Variants in CSNK1D observed in about 807,000 individuals in gnomAD.
CSNK1D encodes the protein casein kinase 1 delta.
A neutral mutation model predicts 46.6 loss-of-function variants in CSNK1D; 16 were observed. The ratio of observed to expected loss-of-function variants is 0.34; its 90% CI spans 0.23 to 0.52. The LOEUF is 0.52. CSNK1D is among the 20% of genes least tolerant of loss of function. The pLI, the probability that CSNK1D is intolerant of heterozygous loss-of-function variation, is 0.95. For missense variants in CSNK1D, 398 were observed against 578.4 expected (o/e 0.69, Z 3.20); for synonymous variants, 276 against 228.2 (o/e 1.21, Z -1.89).
chr17:82,248,630 A>G lies in CSNK1D; in HGVS notation c.1197+245T>C. ...AAAGCCCCCACGGTTTGCTGGCCTC[A>G]GGGACCTGAGACCTGAGACTGGCCA... On this transcript the variant is annotated intron_variant, in intron 8 of 8. Coordinates refer to ENST00000314028, the MANE Select transcript of CSNK1D (RefSeq NM_001893.6). The surrounding 1 kb of genome is among the most constrained non-coding windows in gnomAD (Gnocchi z 4.1). The G allele has an allele frequency of 7.3e-7, 1 of 1,364,648 alleles. No homozygotes were observed. Among genetic ancestry groups the G allele is most frequent in the Non-Finnish European group, 9.5e-7 (1 of 1,055,580 alleles). 84.5% of individuals were successfully genotyped at this position (1,364,648 alleles called of 1,614,324 possible).
At chr17:82,260,738 C>G (rs1020843591) in intron 2 of CSNK1D, among the ~76,000 whole-genome samples, 9 of 115,084 alleles carry the variant, frequency 7.8e-5, no homozygotes, top group African/African-American at 3.3e-4. Context: ...GACGGTGTAC[C>G]GACTGATGTG....
At chr17:82,239,523 G>A (rs9895071), downstream of CSNK1D, 1,320 of 175,036 alleles carry the variant, frequency 7.5e-3, 13 homozygotes, top group African/African-American at 0.03. Context: ...TGTGGCCTGT[G>A]TCCTGACTCG....
At chr17:82,256,039 G>A (rs1485145161) in intron 2 of CSNK1D, among the ~76,000 whole-genome samples, 1 of 152,230 alleles carries the variant, frequency 6.6e-6, no homozygotes, top group Admixed American at 6.5e-5. Context: ...GATGTTGGTA[G>A]AAGTATTTGA....
chr17:82,240,508 T>C (rs537336829), downstream of CSNK1D, among the ~76,000 whole-genome samples: 3 of 152,162 alleles, frequency 2.0e-5, no homozygotes, highest in African/African-American at 7.2e-5. Flanking sequence ...CTTACAGAGG[T>C]ACTGGCAGGG....
At chr17:82,253,444 T>G in intron 3 of CSNK1D, 200 bp from the exon 4 acceptor site, 1 of 609,846 alleles carries the variant, frequency 1.6e-6, no homozygotes, top group South Asian at 1.7e-5. Flanking sequence ...CACTCCACCC[T>G]CCACAGGCCT....
At chr17:82,258,809 A>T (rs1004605259) in intron 2 of CSNK1D, among the ~76,000 whole-genome samples, 11 of 152,210 alleles carry the variant, frequency 7.2e-5, no homozygotes, top group African/African-American at 2.7e-4. Flanking sequence ...AAATACTTAG[A>T]AACCCCTGAG....
At chr17:82,273,726 CGGGGCGGGGCCGCGGCGCTCCA>C (rs779953400), upstream of CSNK1D, 250 of 484,244 alleles carry the variant, frequency 5.2e-4, 1 homozygote, top group South Asian at 4.9e-3. This position sits in a 1 kb window ranked among gnomAD's most constrained non-coding sequence, Gnocchi z 5.1. Flanking sequence ...AGCAACCCGG[CGGGGCGGGGCCGCGGCGCTCCA>C]GGGGCGGGGC....
At chr17:82,246,233 ACTC>A in intron 8 of CSNK1D, 1 of 1,489,618 alleles carries the variant, frequency 6.7e-7, no homozygotes, top group Non-Finnish European at 8.9e-7. Context: ...AGTGGTGCCC[ACTC>A]CTCTTCTGGA....
At position 82,242,909 on chromosome 17, in the gene CSNK1D, CG is replaced by C. The variant is rs1383496734; in HGVS notation, c.*1871del. 2 of 985,332 alleles carry C rather than the reference CG, an allele frequency of 2.0e-6. No homozygotes were observed. The highest frequency in any genetic ancestry group is 1.7e-5 in the African/African-American group (1 of 57,226). 61.0% of individuals were successfully genotyped at this position (985,332 alleles called of 1,614,324 possible). A position where few individuals can be genotyped will look rare whatever the true frequency, so the allele number is the denominator to read the frequency against. The stretch of plus-strand genomic sequence containing the variant: ...CGGGCGCAGAGCTGCCTCGCACAAA[CG>C]TTCTGGGCACTACATCGGGACCACA... On this transcript the variant is annotated 3_prime_UTR_variant, in exon 9 of 9. Coordinates refer to ENST00000314028, the MANE Select transcript of CSNK1D (RefSeq NM_001893.6).
At chr17:82,247,207 A>G in intron 8 of CSNK1D, 2 of 985,390 alleles carry the variant, frequency 2.0e-6, no homozygotes, top group Non-Finnish European at 2.4e-6. Flanking sequence ...GTATTTCCTC[A>G]TATGGAAAAC....
chr17:82,241,741 G>T (rs1395952282), downstream of CSNK1D, among the ~76,000 whole-genome samples: 1 of 152,242 alleles, frequency 6.6e-6, no homozygotes, highest in Non-Finnish European at 1.5e-5. Flanking sequence ...CCGGAAGCCA[G>T]CTCAGATGCC....
In CSNK1D at chr17:82,252,354, G is replaced by T; in HGVS notation, c.736+80C>A. On this transcript the variant is annotated intron_variant, in intron 5 of 8. Coordinates refer to ENST00000314028, the MANE Select transcript of CSNK1D (RefSeq NM_001893.6). The surrounding 1 kb of genome is among the most constrained non-coding windows in gnomAD (Gnocchi z 4.6). ...TGAGCAACTCTTCTGACAAAACCCA[G>T]ACTGAGCCGTCTCGGCACACCCGAC... 1.3e-6 allele frequency: 2 copies of T among 1,541,042 alleles called. No homozygotes were observed. Among genetic ancestry groups the T allele is most frequent in the South Asian group, 2.2e-5 (2 of 89,294 alleles).
rs550076896 is a variant in CSNK1D at position 82,249,492 on chromosome 17, G to C, written c.996C>G (p.Gly332=). 158 of 1,543,318 alleles carry C rather than the reference G, an allele frequency of 1.0e-4. No individual in the cohort carries two copies. In the African/African-American group the frequency reaches 2.0e-3, roughly 20 times the overall value. Reference sequence around the variant, plus strand: ...CCACTTCCTGCGTCCCCCGCAGGCGGCCGGAGGCTGTGGAAGGGAGGCCGC... The same window carrying C: ...CCACTTCCTGCGTCCCCCGCAGGCGCCCGGAGGCTGTGGAAGGGAGGCCGC... ...ATRGLPSTAS[G]RLRGTQEVAP... The change falls in exon 7 of 9, where the codon GGC becomes GGG. Residue 332 remains glycine (G), a synonymous_variant. Transcript: ENST00000314028. The surrounding 1 kb of genome is among the most constrained non-coding windows in gnomAD (Gnocchi z 6.7).
rs190784202 is a variant in CSNK1D, at chr17:82,271,466, T to C, written c.76+1840A>G. ...GGGTTAAAACTTTCGCCAAAATCCATTGTTCTATAAATAAGCCAAACGACT... is the reference window on the plus strand; with the variant it reads ...GGGTTAAAACTTTCGCCAAAATCCACTGTTCTATAAATAAGCCAAACGACT... On this transcript the variant is annotated intron_variant, in intron 1 of 8. Transcript: ENST00000314028. Among the ~76,000 whole-genome samples the C allele has an allele frequency of 1.4e-3, 212 of 152,332 alleles. 1 individual carries two copies. The highest frequency in any genetic ancestry group is 4.5e-3 in the African/African-American group (185 of 41,572).
intron 3 of CSNK1D, chr17:82,253,591 G>C (rs542215842): frequency 2.2e-5 from 8 of 369,838 alleles, no homozygotes; most frequent in Non-Finnish European, 4.2e-5. Flanking sequence ...AAACTGCACG[G>C]AGGTGCTTAG....
chr17:82,240,080 C>T (rs761086341), downstream of CSNK1D: 20 of 1,233,448 alleles, frequency 1.6e-5, no homozygotes, highest in South Asian at 2.0e-4. Flanking sequence ...GAAAAGCAAG[C>T]GAAAAGTGCA....
chr17:82,256,463 T>C (rs978577605), intron 2 of CSNK1D, among the ~76,000 whole-genome samples: 2 of 149,312 alleles, frequency 1.3e-5, no homozygotes, highest in Non-Finnish European at 3.0e-5. Flanking sequence ...CAGTGAGCCG[T>C]GATGGCACCA....
At position 82,249,697 on chromosome 17, in the gene CSNK1D, C is replaced by T. The variant is rs2050950343; in HGVS notation, c.886-95G>A. 1 of 1,530,608 alleles carries T rather than the reference C, an allele frequency of 6.5e-7. No homozygotes were observed. 94.8% of individuals were successfully genotyped at this position (1,530,608 alleles called of 1,614,324 possible). On this transcript the variant is annotated intron_variant, in intron 6 of 8. Transcript: ENST00000314028. The surrounding 1 kb of genome is among the most constrained non-coding windows in gnomAD (Gnocchi z 6.7). ...CCCCGGCCACGTGAGAAAATACCTACCAAAGGGCACTGGGACGAGACTGCC... is the reference window on the plus strand; with the variant it reads ...CCCCGGCCACGTGAGAAAATACCTATCAAAGGGCACTGGGACGAGACTGCC...
At chr17:82,247,068 C>T in intron 8 of CSNK1D, 1 of 985,464 alleles carries the variant, frequency 1.0e-6, no homozygotes, top group Non-Finnish European at 1.2e-6. Flanking sequence ...GGTGGGGAGC[C>T]CTCAACATGC....
Sources: gnomAD v4.1 joint callset for allele counts (sites outside exome capture counted in the v4.1 genomes callset) on GRCh38, gnomAD v4.1.1 for gene constraint, Gnocchi (gnomAD v3.1) non-coding constraint, MANE v1.5 for transcripts, NCBI Gene and HGNC (gene_info 2026-07-23, HGNC 2026-07-21) for gene names.